INSR: variants seen among roughly 807,000 people sequenced by gnomAD.
INSR encodes IR.
A neutral mutation model predicts 142.6 loss-of-function variants in INSR; 67 were observed. That is an observed-to-expected ratio of 0.47 (90% CI 0.39 to 0.58). INSR has a LOEUF of 0.58. Among genes scored for constraint, INSR ranks in the 20% least tolerant of loss-of-function variants. The pLI is 0.00. For missense variants in INSR, 1,248 were observed against 1,833.2 expected (o/e 0.68, Z 5.83); for synonymous variants, 756 against 743.1 (o/e 1.02, Z -0.28).
Position 7,192,279 on chromosome 19 carries a change from AAAGAAAAG to A in INSR, c.653-7650_653-7643del, listed in dbSNP as rs1224367554. On this transcript the variant is annotated intron_variant, in intron 2 of 21. Coordinates refer to ENST00000302850, the MANE Select transcript of INSR (RefSeq NM_000208.4). The surrounding 1 kb of genome is among the most constrained non-coding windows in gnomAD (Gnocchi z 4.2). ...AAAGAAAAGAAAAGAAAAGAAAAGA[AAAGAAAAG>A]AAAAGAAAAGAAAAGAAAAGAAAAA... Among the ~76,000 whole-genome samples the A allele has an allele frequency of 6.8e-6, 1 of 146,078 alleles. No individual in the cohort carries two copies. The highest frequency in any genetic ancestry group is 1.5e-5 in the Non-Finnish European group (1 of 66,662).
At position 7,137,446 on chromosome 19, in the gene INSR, G is replaced by A. The variant is rs530013474; in HGVS notation, c.2682+4231C>T. On this transcript the variant is annotated intron_variant, in intron 13 of 21. Coordinates refer to ENST00000302850, the MANE Select transcript of INSR (RefSeq NM_000208.4). The stretch of plus-strand genomic sequence containing the variant: ...GAGGTTTGGAACCACTACAACCACC[G>A]GTGGACAACCAGGGGCTACTGGGCT... Among the ~76,000 whole-genome samples, 5 of 151,940 alleles carry A rather than the reference G, an allele frequency of 3.3e-5. No homozygotes were observed. In the South Asian group the frequency reaches 8.3e-4, roughly 25 times the overall value.
chr19:7,163,482 C>T (rs1444817619), intron 8 of INSR, among the ~76,000 whole-genome samples: 2 of 151,692 alleles, frequency 1.3e-5, no homozygotes, highest in Admixed American at 6.6e-5. Flanking sequence ...ATGGCGTGAA[C>T]CTGGGAGGCG....
At chr19:7,174,285 C>A (rs1974085156) in intron 4 of INSR, among the ~76,000 whole-genome samples, 1 of 146,218 alleles carries the variant, frequency 6.8e-6, no homozygotes, top group Non-Finnish European at 1.5e-5. Context: ...GAGCAAGACC[C>A]CATCTCTAAA....
At chr19:7,157,625 T>G (rs2144913081) in intron 9 of INSR, among the ~76,000 whole-genome samples, 1 of 152,096 alleles carries the variant, frequency 6.6e-6, no homozygotes, top group East Asian at 1.9e-4. Flanking sequence ...CCAGGGTTCT[T>G]GTGACCCACG....
At chr19:7,293,755 C>T in intron 1 of INSR, 37 bp downstream of exon 1, 1 of 1,308,596 alleles carries the variant, frequency 7.6e-7, no homozygotes, top group Non-Finnish European at 9.8e-7. Context: ...CTCCCCATCG[C>T]GGCGCTCCCC....
chr19:7,196,749 T>TA (rs11334237), intron 2 of INSR, among the ~76,000 whole-genome samples: 1,980 of 144,744 alleles, frequency 0.014, 18 homozygotes, highest in Middle Eastern at 0.032. Context: ...AAAAAAAACT[T>TA]AAAAAAAAAA....
At chr19:7,233,834 C>G (rs922353875) in intron 2 of INSR, among the ~76,000 whole-genome samples, 8 of 151,686 alleles carry the variant, frequency 5.3e-5, no homozygotes, top group African/African-American at 1.9e-4. Context: ...CGCCACCACA[C>G]CCGGCTAATT....
chr19:7,278,925 T>C (rs1325395863), intron 1 of INSR, among the ~76,000 whole-genome samples: 2 of 151,936 alleles, frequency 1.3e-5, no homozygotes, highest in Non-Finnish European at 2.9e-5. Flanking sequence ...GGTCAGGAGT[T>C]CAAGACCAGC....
At chr19:7,254,594 G>C (rs1320582892) in intron 2 of INSR, among the ~76,000 whole-genome samples, 1 of 152,058 alleles carries the variant, frequency 6.6e-6, no homozygotes, top group East Asian at 1.9e-4. Context: ...GGGGAGATAG[G>C]ATAAGGGGTA....
intron 2 of INSR, among the ~76,000 whole-genome samples, chr19:7,241,078 G>A (rs1447791289): frequency 6.6e-6 from 1 of 152,064 alleles, no homozygotes; most frequent in Non-Finnish European, 1.5e-5. Flanking sequence ...TTACCTCTGG[G>A]AAGAAGGGAG....
At chr19:7,244,496 A>G (rs1226940647) in intron 2 of INSR, among the ~76,000 whole-genome samples, 1 of 146,876 alleles carries the variant, frequency 6.8e-6, no homozygotes, top group Non-Finnish European at 1.5e-5. Context: ...TCGTGCCACT[A>G]CTCTCCAGCC....
chr19:7,289,782 T>A (rs996267656), intron 1 of INSR, among the ~76,000 whole-genome samples: 1 of 152,122 alleles, frequency 6.6e-6, no homozygotes, highest in African/African-American at 2.4e-5. Context: ...AAAGGTTAAC[T>A]CCTGCAGAGA....
rs1973880158 is a variant in INSR at position 7,166,020 on chromosome 19, T to C, written c.1861+134A>G. The C allele has an allele frequency of 5.9e-6, 6 of 1,010,090 alleles. No individual in the cohort carries two copies. Among genetic ancestry groups the C allele is most frequent in the Admixed American group, 2.2e-5 (1 of 46,426 alleles). The allele number at this position is 1,010,090 out of a possible 1,614,324, so 62.6% of individuals were successfully genotyped here. A position where few individuals can be genotyped will look rare whatever the true frequency, so the allele number is the denominator to read the frequency against. On this transcript the variant is annotated intron_variant, in intron 8 of 21. Coordinates refer to ENST00000302850, the MANE Select transcript of INSR (RefSeq NM_000208.4). This position sits in a 1 kb window ranked among gnomAD's most constrained non-coding sequence, Gnocchi z 4.1. ...TTGCACTCTAGCCTGGGTGACAAAG[T>C]AAGACCCTGTCTAAAAAAAAAAAAA...
chr19:7,202,166 A>T (rs952886563), intron 2 of INSR, among the ~76,000 whole-genome samples: 1 of 152,200 alleles, frequency 6.6e-6, no homozygotes, highest in African/African-American at 2.4e-5. Flanking sequence ...TGCGACTGAG[A>T]AAATGAATTT....
At chr19:7,222,608 G>A (rs538556093) in intron 2 of INSR, among the ~76,000 whole-genome samples, 2 of 152,132 alleles carry the variant, frequency 1.3e-5, no homozygotes, top group East Asian at 3.9e-4. Flanking sequence ...GCCCAGGTTG[G>A]TCTTGAATCC....
At chr19:7,137,966 CTTTT>C (rs537243579) in intron 13 of INSR, among the ~76,000 whole-genome samples, 1 of 133,746 alleles carries the variant, frequency 7.5e-6, no homozygotes. Flanking sequence ...TTTTCTTTTT[CTTTT>C]TTTTTTTTTT....
chr19:7,191,518 A>C (rs1010685599), intron 2 of INSR, among the ~76,000 whole-genome samples: 4 of 151,992 alleles, frequency 2.6e-5, no homozygotes, highest in African/African-American at 9.7e-5. Flanking sequence ...GAATGTGAAA[A>C]GCTCCACATG....
At chr19:7,118,686 A>C (rs1972398394) in intron 21 of INSR, among the ~76,000 whole-genome samples, 1 of 151,478 alleles carries the variant, frequency 6.6e-6, no homozygotes, top group African/African-American at 2.4e-5. Flanking sequence ...TGGGAAGCCA[A>C]GGTGGGTGGA....
At chr19:7,185,841 CAAAAAAAA>C (rs754262409) in intron 2 of INSR, among the ~76,000 whole-genome samples, 6 of 45,052 alleles carry the variant, frequency 1.3e-4, no homozygotes, top group East Asian at 1.4e-3. Context: ...AAAATTCTGT[CAAAAAAAA>C]AAAAAAAAAA....
Sources: gnomAD v4.1 joint callset for allele counts (sites outside exome capture counted in the v4.1 genomes callset) on GRCh38, gnomAD v4.1.1 for gene constraint, Gnocchi (gnomAD v3.1) non-coding constraint, MANE v1.5 for transcripts, NCBI Gene and HGNC (gene_info 2026-07-23, HGNC 2026-07-21) for gene names.